IQSEC3: variants seen among roughly 807,000 people sequenced by gnomAD.
IQSEC3 encodes IQ motif and SEC7 domain-containing protein 3.
IQSEC3 carries 50 observed loss-of-function variants against 105.4 expected under a neutral mutation model. The observed-to-expected ratio is 0.47, with a 90% CI of 0.38 to 0.60. The LOEUF is 0.60. Ranked by LOEUF, IQSEC3 falls within the 20% of genes least tolerant of loss-of-function variation. IQSEC3 has a pLI of 0.00. For synonymous variants in IQSEC3, 708 were observed against 746.0 expected (o/e 0.95, Z 0.83); for missense variants, 1,415 against 1,630.0 (o/e 0.87, Z 2.27).
chr12:164,805 G>A (rs189159235), intron 9 of IQSEC3: 14 of 152,696 alleles, frequency 9.2e-5, no homozygotes, highest in African/African-American at 2.6e-4. Flanking sequence ...TTACTAAAAC[G>A]AGCTTTCATT....
intron 11 of IQSEC3, 123 bp downstream of exon 11, chr12:166,013 A>C: frequency 9.3e-7 from 1 of 1,075,428 alleles, no homozygotes. Context: ...CCCCGTGTCC[A>C]GGCCCCACCG....
In IQSEC3 at chr12:175,290, T is replaced by C; in HGVS notation, c.*257T>C. The C allele has an allele frequency of 4.5e-6, 2 of 442,944 alleles. No individual in the cohort carries two copies. Among genetic ancestry groups the C allele is most frequent in the Non-Finnish European group, 7.9e-6 (2 of 252,074 alleles). 27.4% of individuals were successfully genotyped at this position (442,944 alleles called of 1,614,324 possible). On this transcript the variant is annotated 3_prime_UTR_variant, in exon 14 of 14. Transcript: ENST00000538872. ...CTACACAGCCAGACCCGGCGAGGCCTCCTCTTCCCCTGGCCACCACTTTCC... is the reference window on the plus strand; with the variant it reads ...CTACACAGCCAGACCCGGCGAGGCCCCCTCTTCCCCTGGCCACCACTTTCC...
intron 5 of IQSEC3, among the ~76,000 whole-genome samples, chr12:151,815 A>T (rs1174408799): frequency 6.6e-6 from 1 of 151,826 alleles, no homozygotes; most frequent in Admixed American, 6.6e-5. Context: ...GCCTTTGCAT[A>T]TGCTTCCTCC....
chr12:158,029 A>T (rs1350256349), intron 7 of IQSEC3, among the ~76,000 whole-genome samples: 1 of 152,220 alleles, frequency 6.6e-6, no homozygotes, highest in Non-Finnish European at 1.5e-5. Flanking sequence ...ACAAGGAAGG[A>T]GCCAGGAGCA....
intron 3 of IQSEC3, among the ~76,000 whole-genome samples, chr12:135,606 T>C (rs1865737874): frequency 6.6e-6 from 1 of 152,202 alleles, no homozygotes; most frequent in Non-Finnish European, 1.5e-5. Flanking sequence ...AATTGGTTGA[T>C]TTTGAGTTAA....
rs188002798 is a variant in IQSEC3, at chr12:172,849, G to A, written c.3114+1688G>A. ...TAAAGAGGAAGGATCCAGAGACTGCGGTGGGGCCAGGGATGCAGTGGGGGG... is the reference window on the plus strand; with the variant it reads ...TAAAGAGGAAGGATCCAGAGACTGCAGTGGGGCCAGGGATGCAGTGGGGGG... On this transcript the variant is annotated intron_variant, in intron 13 of 13. Transcript: ENST00000538872. Among the ~76,000 whole-genome samples, 22 of 152,330 alleles carry A rather than the reference G, an allele frequency of 1.4e-4. No homozygotes were observed. In the East Asian group the frequency reaches 3.1e-3, roughly 21 times the overall value.
chr12:67,248 G>A lies in IQSEC3; in HGVS notation c.366G>A (p.Glu122=), dbSNP rs781836048. ...PPRQHHGQLL[E]QPQRGPGSRA... ...GTCAGCACCACGGACAGCTCCTGGA[G>A]CAGCCCCAGCGGGGCCCTGGCAGCA... is the stretch of plus-strand genomic sequence containing the variant. Residue 122 remains glutamate, a synonymous_variant, in exon 1 of 14, where the codon GAG becomes GAA. Coordinates refer to ENST00000538872, the MANE Select transcript of IQSEC3 (RefSeq NM_001170738.2). The A allele has an allele frequency of 6.3e-7, 1 of 1,590,616 alleles. No homozygotes were observed. Among genetic ancestry groups the A allele is most frequent in the Non-Finnish European group, 8.5e-7 (1 of 1,176,890 alleles).
chr12:89,457 T>C (rs1864016796), intron 1 of IQSEC3, among the ~76,000 whole-genome samples: 1 of 152,150 alleles, frequency 6.6e-6, no homozygotes, highest in South Asian at 2.1e-4. Flanking sequence ...AAAAATCAGT[T>C]GGATTAAGCT....
rs781817070 is a variant in IQSEC3 at position 99,233 on chromosome 12, C to T, written c.623+19C>T. ...CCCAAAGGTGGGAACTGTGGCCCTT[C>T]CTCCCTTCCGCATCCCCACCTTCCT... On this transcript the variant is annotated intron_variant, in intron 2 of 13. Coordinates refer to ENST00000538872, the MANE Select transcript of IQSEC3 (RefSeq NM_001170738.2). The T allele has an allele frequency of 1.3e-6, 2 of 1,595,282 alleles. No individual in the cohort carries two copies. Among genetic ancestry groups the T allele is most frequent in the Non-Finnish European group, 1.7e-6 (2 of 1,177,854 alleles).
At chr12:137,337 TTA>T (rs1865806340) in intron 3 of IQSEC3, 1 of 151,656 alleles carries the variant, frequency 6.6e-6, no homozygotes, top group African/African-American at 2.4e-5. Context: ...TTTTTAGCAT[TTA>T]TGTTTTTCAT....
Position 162,018 on chromosome 12 carries a change from G to A in IQSEC3, c.2536G>A (p.Val846Ile), listed in dbSNP as rs150210857. The A allele has an allele frequency of 1.9e-5, 31 of 1,613,676 alleles. No individual in the cohort carries two copies. Among genetic ancestry groups the A allele is most frequent in the Middle Eastern group, 1.6e-4 (1 of 6,080 alleles). ...GGAGCTCAAGTCCAATGAGGACCAC[G>A]TCACGTACGTCACCAAGGTGGAGAA... ...QKELKSNEDH[V>I]TYVTKVEKSI... The change falls in exon 8 of 14, where the codon GTC (valine) becomes ATC (isoleucine). Residue 846 changes from valine (V) to isoleucine (I), a missense_variant. Val to Ile is a conservative substitution (Grantham distance 29). Coordinates refer to ENST00000538872, the MANE Select transcript of IQSEC3 (RefSeq NM_001170738.2).
At position 109,946 on chromosome 12, in the gene IQSEC3, C is replaced by A. The variant is rs117224601; in HGVS notation, c.623+10732C>A. On this transcript the variant is annotated intron_variant, in intron 2 of 13. Coordinates refer to ENST00000538872, the MANE Select transcript of IQSEC3 (RefSeq NM_001170738.2). ...GGGCACAAGCTAAACTGTGCTGGGCCCTGGCCCCTGACAATCTGCAAAGAT... is the reference window on the plus strand; with the variant it reads ...GGGCACAAGCTAAACTGTGCTGGGCACTGGCCCCTGACAATCTGCAAAGAT... Among the ~76,000 whole-genome samples, 105 of 152,274 alleles carry A rather than the reference C, an allele frequency of 6.9e-4. 1 individual carries two copies. In the East Asian group the frequency reaches 0.019, roughly 28 times the overall value.
At chr12:132,266 C>G (rs1865627223) in intron 3 of IQSEC3, among the ~76,000 whole-genome samples, 2 of 152,094 alleles carry the variant, frequency 1.3e-5, no homozygotes, top group African/African-American at 4.8e-5. Flanking sequence ...AGCAGGGAGC[C>G]TCGTGGGGGC....
At chr12:143,643 TTCATGCAGGGCAGTGCTGGGGTGCCAGC>T (rs1866131800) in intron 5 of IQSEC3, 1 of 28,750 alleles carries the variant, frequency 3.5e-5, no homozygotes, top group Admixed American at 6.2e-4. Flanking sequence ...GGTGCCAGCG[TTCATGCAGGGCAGTGCTGGGGTGCCAGC>T]GTTCATGCAG....
In IQSEC3 at chr12:138,814, C is replaced by T. The variant is rs782798937; in HGVS notation, c.1451C>T (p.Ala484Val). 44 of 1,610,224 alleles carry T rather than the reference C, an allele frequency of 2.7e-5. No homozygotes were observed. Among genetic ancestry groups the T allele is most frequent in the Non-Finnish European group, 2.5e-6 (3 of 1,179,112 alleles). The change falls in exon 4 of 14, where the codon GCT becomes GTT. Residue 484 changes from alanine (A) to valine (V), a missense_variant. Physicochemically the swap from Ala to Val is moderately conservative, Grantham distance 64. This residue lies in a region of IQSEC3 where 720 missense variants were observed against 633.0 expected (regional missense o/e 1.14). Coordinates refer to ENST00000538872, the MANE Select transcript of IQSEC3 (RefSeq NM_001170738.2). The surrounding 1 kb of genome is among the most constrained non-coding windows in gnomAD (Gnocchi z 7.1). ...GCCCACAGCGGGACCCTCATGATGG[C>T]TTTCCGGGACGTCACGGTGCAGATC... Reference protein sequence around the residue: ...PPAHSGTLMMAFRDVTVQIAN... With the variant: ...PPAHSGTLMMVFRDVTVQIAN...
At chr12:99,037 G>T (rs537853950) in intron 1 of IQSEC3, 109 bp from the exon 2 acceptor site, 4 of 955,034 alleles carry the variant, frequency 4.2e-6, no homozygotes, top group Non-Finnish European at 6.2e-6. Context: ...GGGCTCAAAA[G>T]GGCGGGGGTA....
intron 1 of IQSEC3, among the ~76,000 whole-genome samples, chr12:94,968 A>G (rs1490590985): frequency 6.6e-6 from 1 of 151,554 alleles, no homozygotes; most frequent in Admixed American, 6.5e-5. Flanking sequence ...CTGGGGGTGT[A>G]GGCTCTCCAC....
intron 1 of IQSEC3, among the ~76,000 whole-genome samples, chr12:69,181 G>A (rs1223244429): frequency 2.0e-5 from 3 of 152,244 alleles, no homozygotes; most frequent in Non-Finnish European, 4.4e-5. Flanking sequence ...GACTTTTGGT[G>A]TCTCCTGTCT....
rs544087868 is a variant in IQSEC3 at position 166,143 on chromosome 12, G to A, written c.2971+253G>A. The A allele has an allele frequency of 3.0e-4, 144 of 479,394 alleles. 3 individuals carry two copies. The highest frequency in any genetic ancestry group is 1.9e-3 in the South Asian group (49 of 25,222). The allele number at this position is 479,394 out of a possible 1,614,324, so 29.7% of individuals were successfully genotyped here. On this transcript the variant is annotated intron_variant, in intron 11 of 13. Coordinates refer to ENST00000538872, the MANE Select transcript of IQSEC3 (RefSeq NM_001170738.2). ...GATCAGCAGGCATGTGGGGCTGCGC[G>A]TGGGCCTCTTGGAACAGAGAGCTCT...
Sources: gnomAD v4.1 joint callset for allele counts (sites outside exome capture counted in the v4.1 genomes callset) on GRCh38, gnomAD v4.1.1 for gene constraint, gnomAD v4.1.1 regional missense constraint, Gnocchi (gnomAD v3.1) non-coding constraint, MANE v1.5 for transcripts, NCBI Gene and HGNC (gene_info 2026-07-23, HGNC 2026-07-21) for gene names.